Variants in CNOT4 observed in about 807,000 individuals in gnomAD.
CNOT4 encodes CCR4-associated factor 4.
A neutral mutation model predicts 73.8 loss-of-function variants in CNOT4; 8 were observed. The observed-to-expected ratio is 0.11, with a 90% CI of 0.06 to 0.20. CNOT4 has a LOEUF of 0.20. Ranked by LOEUF, CNOT4 falls within the 10% of genes least tolerant of loss-of-function variation. The probability of loss-of-function intolerance (pLI) is 1.00; values close to 1 mark genes in which losing one functional copy is unlikely to be tolerated. For synonymous variants in CNOT4, 293 were observed against 321.1 expected (o/e 0.91, Z 0.94); for missense variants, 564 against 883.4 (o/e 0.64, Z 4.58).
At chr7:135,382,436 A>G (rs1374739929) in intron 10 of CNOT4, among the ~76,000 whole-genome samples, 1 of 152,200 alleles carries the variant, frequency 6.6e-6, no homozygotes. Context: ...AGTATTCTTG[A>G]GCAATGATTT....
chr7:135,379,574 A>G (rs927969843), intron 10 of CNOT4, among the ~76,000 whole-genome samples: 11 of 152,066 alleles, frequency 7.2e-5, no homozygotes, highest in Non-Finnish European at 1.6e-4. Context: ...CTATATGTGT[A>G]TATATATATG....
At position 135,394,423 on chromosome 7, in the gene CNOT4, G is replaced by C. The variant is rs761252409; in HGVS notation, c.1130-8C>G. The C allele has an allele frequency of 3.1e-6, 5 of 1,587,404 alleles. No individual in the cohort carries two copies. Among genetic ancestry groups the C allele is most frequent in the South Asian group, 2.3e-5 (2 of 87,592 alleles). ...ATGATACTGGGATTGTTTCTGTTGG[G>C]AAGAAAAATAGTGATGAATATCAGA... On this transcript the variant is annotated splice_region_variant and splice_polypyrimidine_tract_variant and intron_variant, in intron 9 of 11. Coordinates refer to ENST00000541284, the MANE Select transcript of CNOT4 (RefSeq NM_001190850.2).
At chr7:135,384,986 T>C (rs549041207) in intron 10 of CNOT4, among the ~76,000 whole-genome samples, 1 of 152,332 alleles carries the variant, frequency 6.6e-6, no homozygotes, top group South Asian at 2.1e-4. Context: ...TCTGAAGGCC[T>C]TTTCTCAGCT....
At chr7:135,458,983 A>AT (rs1186797183) in intron 1 of CNOT4, among the ~76,000 whole-genome samples, 1 of 151,986 alleles carries the variant, frequency 6.6e-6, no homozygotes, top group Non-Finnish European at 1.5e-5. Flanking sequence ...TTTTCAATTT[A>AT]TTTTGCCCAG....
Position 135,395,713 on chromosome 7 carries a change from C to A in CNOT4, c.1050G>T (p.Gly350=). 1.9e-6 allele frequency: 3 copies of A among 1,613,966 alleles called. No homozygotes were observed. The highest frequency in any genetic ancestry group is 2.5e-6 in the Non-Finnish European group (3 of 1,179,922). The change falls in exon 9 of 12, where the codon GGG becomes GGT. Residue 350 remains glycine (G), a synonymous_variant. Transcript: ENST00000541284. ...NFRHPNPIPS[G]LPPFPSSPQT... ...GTGGGGAGCTGGGGAAAGGAGGAAGCCCACTTGGGATAGGGTTGGGATGGC... is the reference window on the plus strand; with the variant it reads ...GTGGGGAGCTGGGGAAAGGAGGAAGACCACTTGGGATAGGGTTGGGATGGC...
rs372323037 is a variant in CNOT4, at chr7:135,387,339, A to G, written c.1627+6579T>C. 8.4e-4 allele frequency: 823 copies of G among 985,242 alleles called. 2 individuals are homozygous for G. The highest frequency in any genetic ancestry group is 1.3e-3 in the South Asian group (28 of 21,284). The allele number at this position is 985,242 out of a possible 1,614,324, so 61.0% of individuals were successfully genotyped here. A position where few individuals can be genotyped will look rare whatever the true frequency, so the allele number is the denominator to read the frequency against. On this transcript the variant is annotated intron_variant, in intron 10 of 11. Coordinates refer to ENST00000541284, the MANE Select transcript of CNOT4 (RefSeq NM_001190850.2). The stretch of plus-strand genomic sequence containing the variant: ...AGTTAACCAAATCTAAGGATATCTA[A>G]GAATAGATTTTTGTTTACCTCACTG...
chr7:135,465,046 A>G (rs1032507293), intron 1 of CNOT4, among the ~76,000 whole-genome samples: 2 of 152,176 alleles, frequency 1.3e-5, no homozygotes, highest in Non-Finnish European at 2.9e-5. Context: ...TTGATACACT[A>G]AATTATCACA....
chr7:135,480,861 G>T (rs1802329930), intron 1 of CNOT4, among the ~76,000 whole-genome samples: 1 of 147,138 alleles, frequency 6.8e-6, no homozygotes, highest in African/African-American at 2.5e-5. Flanking sequence ...AGGCTAATTT[G>T]TGCTGGGAAA....
chr7:135,363,210 G>A lies in CNOT4; in HGVS notation c.1841-24C>T, dbSNP rs1360441948. 6.2e-7 allele frequency: 1 copy of A among 1,607,472 alleles called. No individual in the cohort carries two copies. Among genetic ancestry groups the A allele is most frequent in the Non-Finnish European group, 8.5e-7 (1 of 1,176,176 alleles). On this transcript the variant is annotated intron_variant, in intron 11 of 11. Transcript: ENST00000541284. This position sits in a 1 kb window ranked among gnomAD's most constrained non-coding sequence, Gnocchi z 4.3. ...ACCTAAGGAGAGAAAAGAAAAAAGAGGGAAAATGGTGAGTTTGTGTGGAAA... is the reference window on the plus strand; with the variant it reads ...ACCTAAGGAGAGAAAAGAAAAAAGAAGGAAAATGGTGAGTTTGTGTGGAAA...
At chr7:135,417,869 A>T (rs1797954668) in intron 3 of CNOT4, among the ~76,000 whole-genome samples, 1 of 152,214 alleles carries the variant, frequency 6.6e-6, no homozygotes, top group Non-Finnish European at 1.5e-5. Context: ...TTGCTGTGCC[A>T]GAAGCACTTT....
intron 7 of CNOT4, among the ~76,000 whole-genome samples, chr7:135,408,424 A>T (rs1797416018): frequency 6.6e-6 from 1 of 152,230 alleles, no homozygotes; most frequent in Non-Finnish European, 1.5e-5. Flanking sequence ...CATTCGCAAG[A>T]AGAAAAAAGA....
chr7:135,395,685 T>C lies in CNOT4; in HGVS notation c.1078A>G (p.Thr360Ala). Residue 360 changes from threonine (T) to alanine (A), a missense_variant, in exon 9 of 12, where the codon ACA (threonine) becomes GCA (alanine). Thr to Ala is a moderately conservative substitution (Grantham distance 58). This residue lies in a region of CNOT4 where 135 missense variants were observed against 154.0 expected (regional missense o/e 0.88). Transcript: ENST00000541284. ...GGTGCTGTAGGCCAGTCACTGGATG[T>C]CTGTGGGGAGCTGGGGAAAGGAGGA... ...GLPPFPSSPQTSSDWPTAPEP... is the reference protein window; with the variant it reads ...GLPPFPSSPQASSDWPTAPEP... 1 of 1,614,118 alleles carries C rather than the reference T, an allele frequency of 6.2e-7. No homozygotes were observed. The highest frequency in any genetic ancestry group is 1.3e-5 in the African/African-American group (1 of 75,032).
intron 2 of CNOT4, among the ~76,000 whole-genome samples, chr7:135,434,905 C>T (rs941539626): frequency 6.6e-6 from 1 of 152,156 alleles, no homozygotes; most frequent in Non-Finnish European, 1.5e-5. Context: ...CCTCAACTCT[C>T]TGTTTGTATG....
At chr7:135,451,912 G>C (rs1181081123) in intron 1 of CNOT4, among the ~76,000 whole-genome samples, 1 of 152,148 alleles carries the variant, frequency 6.6e-6, no homozygotes, top group African/African-American at 2.4e-5. Flanking sequence ...AGTATTATAT[G>C]CTCCCAAAAC....
At chr7:135,369,438 C>T (rs1291523533) in intron 10 of CNOT4, among the ~76,000 whole-genome samples, 1 of 152,174 alleles carries the variant, frequency 6.6e-6, no homozygotes, top group Non-Finnish European at 1.5e-5. Context: ...CAAAATACAC[C>T]TAAAAGTGTT....
intron 10 of CNOT4, among the ~76,000 whole-genome samples, chr7:135,379,742 A>G (rs1444521076): frequency 6.6e-6 from 1 of 152,224 alleles, no homozygotes; most frequent in African/African-American, 2.4e-5. Context: ...GTCATAACCC[A>G]GGCAATCTTT....
rs1794803927 is a variant in CNOT4, at chr7:135,364,379, C to G, written c.1628-313G>C. Among the ~76,000 whole-genome samples the G allele has an allele frequency of 6.6e-6, 1 of 152,272 alleles. No individual in the cohort carries two copies. Among genetic ancestry groups the G allele is most frequent in the South Asian group, 2.1e-4 (1 of 4,826 alleles). On this transcript the variant is annotated intron_variant, in intron 10 of 11. Coordinates refer to ENST00000541284, the MANE Select transcript of CNOT4 (RefSeq NM_001190850.2). The surrounding 1 kb of genome is among the most constrained non-coding windows in gnomAD (Gnocchi z 4.3). Reference sequence around the variant, plus strand: ...CAATGCTCCAGAGCACAATTTAGTTCCAGCTACATTATGAAGTTTCACTTA... The same window carrying G: ...CAATGCTCCAGAGCACAATTTAGTTGCAGCTACATTATGAAGTTTCACTTA...
At chr7:135,442,329 C>T (rs572924390) in intron 1 of CNOT4, among the ~76,000 whole-genome samples, 1 of 152,312 alleles carries the variant, frequency 6.6e-6, no homozygotes, top group South Asian at 2.1e-4. Flanking sequence ...GGCGCGGTGG[C>T]TCATGCCTGT....
At chr7:135,406,448 C>T (rs1348233574) in intron 7 of CNOT4, among the ~76,000 whole-genome samples, 6 of 151,690 alleles carry the variant, frequency 4.0e-5, no homozygotes, top group Non-Finnish European at 7.4e-5. Context: ...TCGCTTGAGC[C>T]CAGGAGTTTG....
Sources: gnomAD v4.1 joint callset for allele counts (sites outside exome capture counted in the v4.1 genomes callset) on GRCh38, gnomAD v4.1.1 for gene constraint, gnomAD v4.1.1 regional missense constraint, Gnocchi (gnomAD v3.1) non-coding constraint, MANE v1.5 for transcripts, NCBI Gene and HGNC (gene_info 2026-07-23, HGNC 2026-07-21) for gene names.